The following NECAP2 variants were observed in gnomAD, a reference collection of about 807,000 sequenced individuals.
NECAP2 encodes the protein adaptin ear-binding coat-associated protein 2.
A neutral mutation model predicts 37.8 loss-of-function variants in NECAP2; 38 were observed. The ratio of observed to expected loss-of-function variants is 1.01; its 90% CI spans 0.78 to 1.32. The LOEUF is 1.32. Ranked by LOEUF, NECAP2 falls within the 40% of genes most tolerant of loss-of-function variation. The probability of loss-of-function intolerance (pLI) is 0.00; values close to 1 mark genes in which losing one functional copy is unlikely to be tolerated. For missense variants in NECAP2, 316 were observed against 334.5 expected (o/e 0.94, Z 0.43); for synonymous variants, 121 against 127.7 (o/e 0.95, Z 0.35).
rs753036901 is a variant in NECAP2, at chr1:16,458,792, T to C, written c.744-50T>C. 394 of 1,598,456 alleles carry C rather than the reference T, an allele frequency of 2.5e-4. 3 individuals carry two copies. In the Middle Eastern group the frequency reaches 0.013, roughly 51 times the overall value. On this transcript the variant is annotated intron_variant, in intron 7 of 7. Transcript: ENST00000337132. ...GAGAAACCAACTTTTATCTGCTTTG[T>C]ATTTTCAAAGATCTGAACTCCCCCA...
chr1:16,459,015 G>T lies in NECAP2; in HGVS notation c.*125G>T. 3 of 1,564,988 alleles carry T rather than the reference G, an allele frequency of 1.9e-6. No homozygotes were observed. Among genetic ancestry groups the T allele is most frequent in the Non-Finnish European group, 2.6e-6 (3 of 1,155,904 alleles). On this transcript the variant is annotated 3_prime_UTR_variant, in exon 8 of 8. Coordinates refer to ENST00000337132, the MANE Select transcript of NECAP2 (RefSeq NM_018090.5). ...GGCATGAATCTCTCCTCTCCTCCTT[G>T]TCTGGCTCTGTTGACAAACCGGGCA... is the stretch of plus-strand genomic sequence containing the variant.
Position 16,447,883 on chromosome 1 carries a change from T to C in NECAP2, c.207T>C (p.Ala69=), listed in dbSNP as rs1449067103. ...LEDRTSGELF[A]QAPVDQFPGT... ...CTGTGCTTTCAGGGGAGCTCTTTGC[T>C]CAGGCCCCGGTGGATCAGTTTCCTG... Residue 69 remains alanine, a synonymous_variant, in exon 3 of 8, where the codon GCT becomes GCC. Coordinates refer to ENST00000337132, the MANE Select transcript of NECAP2 (RefSeq NM_018090.5). The C allele has an allele frequency of 6.2e-7, 1 of 1,614,008 alleles. No homozygotes were observed. Among genetic ancestry groups the C allele is most frequent in the African/African-American group, 1.3e-5 (1 of 74,918 alleles).
At chr1:16,442,064 C>T (rs764958523) in intron 1 of NECAP2, among the ~76,000 whole-genome samples, 11 of 151,298 alleles carry the variant, frequency 7.3e-5, no homozygotes, top group Non-Finnish European at 1.2e-4. Flanking sequence ...CTGCAACCTC[C>T]GCCTCCCGGA....
intron 5 of NECAP2, chr1:16,451,624 G>GTAGATCTC: frequency 3.4e-6 from 2 of 592,134 alleles, no homozygotes; most frequent in African/African-American, 1.9e-5. Context: ...AATGAAGTGG[G>GTAGATCTC]GGTGCTGGGT....
Position 16,452,004 on chromosome 1 carries a change from C to A in NECAP2, c.656C>A (p.Ala219Asp). 1 of 1,592,748 alleles carries A rather than the reference C, an allele frequency of 6.3e-7. No individual in the cohort carries two copies. Residue 219 changes from alanine (A) to aspartate (D), a missense_variant, in exon 6 of 8, where the codon GCT becomes GAT. By Grantham distance (126) the Ala-to-Asp change is moderately radical. Coordinates refer to ENST00000337132, the MANE Select transcript of NECAP2 (RefSeq NM_018090.5). ...VGGSLVQPAV[A>D]PSSGGAPVPW... ...GGATCCCTCGTCCAGCCAGCAGTTGCTCCCAGTTCAGGTTAGTGCTCAGTG... is the reference window on the plus strand; with the variant it reads ...GGATCCCTCGTCCAGCCAGCAGTTGATCCCAGTTCAGGTTAGTGCTCAGTG...
chr1:16,452,043 T>A, intron 6 of NECAP2, 28 bp downstream of exon 6: 8 of 1,535,374 alleles, frequency 5.2e-6, no homozygotes, highest in Non-Finnish European at 6.1e-6. Flanking sequence ...GACTGCTGCA[T>A]CAGTACCTGC....
intron 2 of NECAP2, among the ~76,000 whole-genome samples, chr1:16,444,355 T>G (rs919342272): frequency 1.3e-5 from 2 of 152,184 alleles, no homozygotes; most frequent in African/African-American, 4.8e-5. Flanking sequence ...ACACAGTGTC[T>G]GCTCAGTCAG....
At chr1:16,457,209 A>G (rs1250423451) in intron 7 of NECAP2, among the ~76,000 whole-genome samples, 2 of 152,130 alleles carry the variant, frequency 1.3e-5, no homozygotes, top group African/African-American at 4.8e-5. Context: ...TAATCCCAGC[A>G]CTTTGGGATT....
At chr1:16,458,777 C>A in intron 7 of NECAP2, 65 bp from the exon 8 acceptor site, 2 of 1,574,514 alleles carry the variant, frequency 1.3e-6, no homozygotes, top group East Asian at 4.5e-5. Flanking sequence ...GAGAAACCAA[C>A]TTTTATCTGC....
chr1:16,456,438 C>A (rs1312805294), intron 7 of NECAP2, among the ~76,000 whole-genome samples: 2 of 152,158 alleles, frequency 1.3e-5, no homozygotes, highest in Non-Finnish European at 2.9e-5. Context: ...TAGCCTGGGG[C>A]AACCCTTTGC....
In NECAP2 at chr1:16,440,780, G is replaced by T; in HGVS notation, c.19G>T (p.Glu7Ter). MEESGY[E>*]SVLCVKPDVH... ...CGTCGCGATGGAGGAGAGCGGGTACGAGTCGGTGCTCTGTGTCAAGCCTGA... is the reference window on the plus strand; with the variant it reads ...CGTCGCGATGGAGGAGAGCGGGTACTAGTCGGTGCTCTGTGTCAAGCCTGA... Residue 7 changes from glutamate (E) to a stop codon, truncating the protein, a stop_gained, in exon 1 of 8, where the codon GAG becomes TAG. Transcript: ENST00000337132. LOFTEE classifies it high-confidence loss of function. 1 of 1,614,120 alleles carries T rather than the reference G, an allele frequency of 6.2e-7. No homozygotes were observed. The highest frequency in any genetic ancestry group is 8.5e-7 in the Non-Finnish European group (1 of 1,179,970).
intron 2 of NECAP2, among the ~76,000 whole-genome samples, chr1:16,446,959 C>A (rs931475985): frequency 1.3e-5 from 2 of 151,398 alleles, no homozygotes; most frequent in Non-Finnish European, 2.9e-5. Flanking sequence ...ACTTGGGAGG[C>A]TGAGGCAGGA....
At position 16,451,870 on chromosome 1, in the gene NECAP2, T is replaced by A. The variant is rs1413940042; in HGVS notation, c.522T>A (p.Asn174Lys). ...AGAAGAAGGAAGGAGCAGCTGGGAA[T>A]CCCCGAGTCCGGCCTGCCAGCACAG... ...NMKKKEGAAG[N>K]PRVRPASTGG... The change falls in exon 6 of 8, where the codon AAT (asparagine) becomes AAA (lysine). Residue 174 changes from asparagine to lysine, a missense_variant. Asn to Lys is a moderately conservative substitution (Grantham distance 94). Around this residue, in one of 3 missense-constraint regions of NECAP2, gnomAD observed 204 missense variants for 188.6 expected, o/e 1.08. Transcript: ENST00000337132. 1 of 1,613,994 alleles carries A rather than the reference T, an allele frequency of 6.2e-7. No homozygotes were observed. Among genetic ancestry groups the A allele is most frequent in the South Asian group, 1.1e-5 (1 of 91,088 alleles).
chr1:16,447,786 G>A (rs770470280), intron 2 of NECAP2, 84 bp from the exon 3 acceptor site: 35 of 1,082,104 alleles, frequency 3.2e-5, no homozygotes, highest in East Asian at 2.1e-4. Flanking sequence ...GATGCCTTGC[G>A]GGCAAAAGGC....
At chr1:16,455,765 A>C (rs531286374) in intron 6 of NECAP2, 53 bp from the exon 7 acceptor site, 13 of 1,437,694 alleles carry the variant, frequency 9.0e-6, no homozygotes, top group South Asian at 6.9e-5. Context: ...AAGGTCTCTG[A>C]CTTCTCTGTC....
intron 7 of NECAP2, among the ~76,000 whole-genome samples, chr1:16,457,909 C>T (rs1048247851): frequency 6.6e-6 from 1 of 151,754 alleles, no homozygotes; most frequent in African/African-American, 2.4e-5. Flanking sequence ...CGGGGTTTTG[C>T]TATGTTGCCC....
rs1047565375 is a variant in NECAP2, at chr1:16,459,030, C to G, written c.*140C>G. 1 of 1,542,278 alleles carries G rather than the reference C, an allele frequency of 6.5e-7. No individual in the cohort carries two copies. On this transcript the variant is annotated 3_prime_UTR_variant, in exon 8 of 8. Coordinates refer to ENST00000337132, the MANE Select transcript of NECAP2 (RefSeq NM_018090.5). Reference sequence around the variant, plus strand: ...TCTCCTCCTTGTCTGGCTCTGTTGACAAACCGGGCATGTTTGGCAGTAAAT... The same window carrying G: ...TCTCCTCCTTGTCTGGCTCTGTTGAGAAACCGGGCATGTTTGGCAGTAAAT...
intron 1 of NECAP2, 43 bp downstream of exon 1, chr1:16,440,896 T>C: frequency 6.5e-7 from 1 of 1,548,436 alleles, no homozygotes; most frequent in Non-Finnish European, 8.9e-7. Flanking sequence ...AATTTAACCC[T>C]TTCTCCGCCA....
chr1:16,444,119 C>T (rs574793093), intron 2 of NECAP2, among the ~76,000 whole-genome samples: 15 of 152,266 alleles, frequency 9.9e-5, no homozygotes, highest in South Asian at 4.2e-4. Flanking sequence ...ATCAATGCAG[C>T]GGTAACTCCC....
Sources: allele counts gnomAD v4.1 joint callset (sites outside exome capture counted in the v4.1 genomes callset), GRCh38; gene constraint gnomAD v4.1.1; regional missense constraint gnomAD v4.1.1; transcripts MANE v1.5; gene names NCBI Gene and HGNC (gene_info 2026-07-23, HGNC 2026-07-21).